NDC1: variants seen among roughly 807,000 people sequenced by gnomAD.
The protein encoded by NDC1 is NDC1 transmembrane nucleoporin.
NDC1 carries 24 observed loss-of-function variants against 89.8 expected under a neutral mutation model. The ratio of observed to expected loss-of-function variants is 0.27; its 90% CI spans 0.19 to 0.38. The LOEUF (loss-of-function observed/expected upper bound fraction) is 0.38. Ranked by LOEUF, NDC1 falls within the 10% of genes least tolerant of loss-of-function variation. The pLI, the probability that NDC1 is intolerant of heterozygous loss-of-function variation, is 1.00. For missense variants in NDC1, 728 were observed against 797.6 expected (o/e 0.91, Z 1.05); for synonymous variants, 296 against 284.8 (o/e 1.04, Z -0.39).
At chr1:53,832,098 A>G (rs1324219496) in intron 3 of NDC1, among the ~76,000 whole-genome samples, 1 of 152,140 alleles carries the variant, frequency 6.6e-6, no homozygotes, top group Non-Finnish European at 1.5e-5. Context: ...TCTGCGGCAT[A>G]AGTACACTCA....
chr1:53,817,123 G>A (rs188460628), intron 6 of NDC1, among the ~76,000 whole-genome samples: 2 of 152,136 alleles, frequency 1.3e-5, no homozygotes, highest in African/African-American at 2.4e-5. Flanking sequence ...ATTTGATCCC[G>A]CAATCCCACT....
At chr1:53,821,031 C>T (rs142185126) in intron 5 of NDC1, among the ~76,000 whole-genome samples, 5 of 151,830 alleles carry the variant, frequency 3.3e-5, no homozygotes, top group African/African-American at 4.8e-5. Context: ...GCTTATATTA[C>T]GACTGATTCT....
At chr1:53,808,685 T>TA (rs1648197152) in intron 7 of NDC1, among the ~76,000 whole-genome samples, 1 of 152,160 alleles carries the variant, frequency 6.6e-6, no homozygotes, top group South Asian at 2.1e-4. Flanking sequence ...AAGAAAAAAA[T>TA]ATTGTTAAAT....
chr1:53,817,138 C>A (rs1054020768), intron 6 of NDC1, among the ~76,000 whole-genome samples: 2 of 152,110 alleles, frequency 1.3e-5, no homozygotes, highest in Non-Finnish European at 2.9e-5. Context: ...CCCACTACTG[C>A]GTATCTACTC....
At chr1:53,778,231 T>C (rs538962391) in intron 16 of NDC1, among the ~76,000 whole-genome samples, 24 of 149,676 alleles carry the variant, frequency 1.6e-4, no homozygotes, top group Non-Finnish European at 3.1e-4. Context: ...AAAAGGAATG[T>C]AATATAGTAT....
At position 53,821,945 on chromosome 1, in the gene NDC1, A is replaced by G. The variant is rs1018297432; in HGVS notation, c.595-2866T>C. Reference sequence around the variant, plus strand: ...TCATACTAACAGTCTGCTTTTCCCTATGGGTCCATCATTAAGAATTATTTT... The same window carrying G: ...TCATACTAACAGTCTGCTTTTCCCTGTGGGTCCATCATTAAGAATTATTTT... On this transcript the variant is annotated intron_variant, in intron 5 of 17. Coordinates refer to ENST00000371429, the MANE Select transcript of NDC1 (RefSeq NM_018087.5). Among the ~76,000 whole-genome samples the G allele has an allele frequency of 2.0e-5, 3 of 152,050 alleles. No individual in the cohort carries two copies. The South Asian group carries it at 6.2e-4, about 32-fold the overall frequency.
chr1:53,807,713 G>A lies in NDC1; in HGVS notation c.834C>T (p.Val278=). 1 of 1,613,814 alleles carries A rather than the reference G, an allele frequency of 6.2e-7. No individual in the cohort carries two copies. The highest frequency in any genetic ancestry group is 1.7e-5 in the Admixed American group (1 of 59,996). ...AGACATACCAAGTCGTCAGGAGAAA[G>A]ACACCACACAGCCAGACATGGTAGA... ...SLLYHVWLCG[V]FLLTTWYVSW... The change falls in exon 8 of 18, where the codon GTC becomes GTT. Residue 278 remains valine (V), a synonymous_variant. Transcript: ENST00000371429.
At chr1:53,809,500 T>G (rs1648230714) in intron 7 of NDC1, among the ~76,000 whole-genome samples, 195 bp downstream of exon 7, 1 of 152,170 alleles carries the variant, frequency 6.6e-6, no homozygotes, top group Admixed American at 6.5e-5. Flanking sequence ...TACAGGCAAG[T>G]ACCACCAAGT....
intron 5 of NDC1, among the ~76,000 whole-genome samples, chr1:53,820,701 CTTTTTTTT>C (rs927514677): frequency 1.3e-4 from 10 of 74,880 alleles, no homozygotes; most frequent in African/African-American, 2.8e-4. Context: ...ACTTCTCTCT[CTTTTTTTT>C]TTTTTTTTTT....
Position 53,820,414 on chromosome 1 carries a change from A to G in NDC1, c.595-1335T>C, listed in dbSNP as rs560888178. On this transcript the variant is annotated intron_variant, in intron 5 of 17. Transcript: ENST00000371429. ...AAATCGGGGAGTGGGGAGGGATAGC[A>G]TTAGGAGATATACCTAATGTTAAAT... 1.2e-4 allele frequency among the ~76,000 whole-genome samples: 19 copies of G among 152,302 alleles called. No individual in the cohort carries two copies. In the South Asian group the frequency reaches 3.9e-3, roughly 32 times the overall value.
chr1:53,828,595 A>ATTTAT (rs201396911), intron 3 of NDC1, among the ~76,000 whole-genome samples: 31 of 150,892 alleles, frequency 2.1e-4, no homozygotes, highest in South Asian at 4.2e-4. Context: ...TTATTTATTT[A>ATTTAT]TTTATTTTAT....
At chr1:53,802,813 G>C (rs998532765) in intron 10 of NDC1, among the ~76,000 whole-genome samples, 3 of 152,194 alleles carry the variant, frequency 2.0e-5, no homozygotes, top group Admixed American at 6.5e-5. Flanking sequence ...AGTATACACT[G>C]TAAGTGTTTC....
At chr1:53,803,803 C>G (rs951521884) in intron 10 of NDC1, 125 bp downstream of exon 10, 1 of 693,538 alleles carries the variant, frequency 1.4e-6, no homozygotes, top group Non-Finnish European at 2.6e-6. Flanking sequence ...GATCTCCTGA[C>G]CTCATGATCC....
In NDC1 at chr1:53,828,057, C is replaced by T. The variant is rs751036886; in HGVS notation, c.397G>A (p.Ala133Thr). Residue 133 changes from alanine (A) to threonine (T), a missense_variant, in exon 4 of 18, where the codon GCA becomes ACA. Coordinates refer to ENST00000371429, the MANE Select transcript of NDC1 (RefSeq NM_018087.5). ...CTGTACTGGCCCTGGGTTATCACTG[C>T]AGCACACCAGGCCATCACCATTCCC... The part of the protein sequence containing the change: ...AMGMVMAWCA[A>T]VITQGQYSFL... The T allele has an allele frequency of 1.2e-6, 2 of 1,613,980 alleles. No homozygotes were observed. The highest frequency in any genetic ancestry group is 4.5e-5 in the East Asian group (2 of 44,892).
At chr1:53,787,664 G>GATAAATAAATAAATAAATAA (rs56823781) in intron 15 of NDC1, among the ~76,000 whole-genome samples, 3 of 146,746 alleles carry the variant, frequency 2.0e-5, no homozygotes, top group African/African-American at 7.6e-5. Context: ...TAAATAAATA[G>GATAAATAAATAAATAAATAA]ATAAATAAAT....
chr1:53,837,796 T>G (rs61774817), intron 1 of NDC1, among the ~76,000 whole-genome samples: 4,399 of 152,318 alleles, frequency 0.029, 98 homozygotes, highest in Middle Eastern at 0.044. Flanking sequence ...ACACCTGCCC[T>G]GCTTACTGGA....
intron 16 of NDC1, among the ~76,000 whole-genome samples, chr1:53,777,481 C>T (rs116668299): frequency 0.012 from 1,788 of 152,208 alleles, 13 homozygotes; most frequent in Non-Finnish European, 0.017. Context: ...ATGGTATAAG[C>T]GTTAAATTAA....
chr1:53,778,599 GA>G (rs148642793), intron 16 of NDC1, among the ~76,000 whole-genome samples: 2,873 of 130,764 alleles, frequency 0.022, 91 homozygotes, highest in African/African-American at 0.076. Context: ...TATTAAAAAA[GA>G]AAAAAAAAAG....
intron 6 of NDC1, among the ~76,000 whole-genome samples, chr1:53,815,306 G>A (rs1648441706): frequency 6.6e-6 from 1 of 152,084 alleles, no homozygotes; most frequent in African/African-American, 2.4e-5. Context: ...ACATACACAA[G>A]TCAATAAATG....
Sources: gnomAD v4.1 joint callset for allele counts (sites outside exome capture counted in the v4.1 genomes callset) on GRCh38, gnomAD v4.1.1 for gene constraint, MANE v1.5 for transcripts, NCBI Gene and HGNC (gene_info 2026-07-23, HGNC 2026-07-21) for gene names.